Variants in PPM1E observed in about 807,000 individuals in gnomAD.
PPM1E encodes the protein protein phosphatase 1E.
PPM1E carries 20 observed loss-of-function variants against 65.9 expected under a neutral mutation model. The ratio of observed to expected loss-of-function variants is 0.30; its 90% CI spans 0.21 to 0.44. The LOEUF (loss-of-function observed/expected upper bound fraction) is 0.44. Ranked by LOEUF, PPM1E falls within the 20% of genes least tolerant of loss-of-function variation. The probability of loss-of-function intolerance (pLI) is 1.00; values close to 1 mark genes in which losing one functional copy is unlikely to be tolerated. For synonymous variants in PPM1E, 352 were observed against 374.9 expected, an observed-to-expected ratio of 0.94 and a Z score of 0.70; for missense variants, 713 against 953.1, an observed-to-expected ratio of 0.75 and a Z score of 3.32.
chr17:58,896,449 G>T (rs1020409601), intron 1 of PPM1E, among the ~76,000 whole-genome samples: 4 of 152,088 alleles, frequency 2.6e-5, no homozygotes, highest in Non-Finnish European at 4.4e-5. Context: ...GCCGGGCATG[G>T]TGGTGCATGC....
chr17:58,917,783 G>GT (rs1007929752), intron 1 of PPM1E, among the ~76,000 whole-genome samples: 64 of 151,712 alleles, frequency 4.2e-4, no homozygotes, highest in African/African-American at 1.4e-3. Flanking sequence ...AACTCATTTT[G>GT]TTTTTTTTAG....
chr17:58,777,994 A>G (rs966698879), intron 1 of PPM1E, among the ~76,000 whole-genome samples: 1 of 152,196 alleles, frequency 6.6e-6, no homozygotes, highest in East Asian at 1.9e-4. Flanking sequence ...CGGTGGCATG[A>G]TCATGGCTCA....
At chr17:58,830,420 G>A (rs1443789093) in intron 1 of PPM1E, among the ~76,000 whole-genome samples, 1 of 151,726 alleles carries the variant, frequency 6.6e-6, no homozygotes, top group Non-Finnish European at 1.5e-5. Flanking sequence ...CCATTCTCCT[G>A]CCTCAGCCTC....
intron 1 of PPM1E, among the ~76,000 whole-genome samples, chr17:58,795,539 CA>C (rs1162306230): frequency 6.6e-6 from 1 of 151,674 alleles, no homozygotes; most frequent in Non-Finnish European, 1.5e-5. Flanking sequence ...CCTGTCTCTA[CA>C]AAAAAATCAA....
chr17:58,861,532 G>A (rs779491834), intron 1 of PPM1E, among the ~76,000 whole-genome samples: 18 of 152,110 alleles, frequency 1.2e-4, no homozygotes, highest in Non-Finnish European at 1.9e-4. Context: ...AATGGGTGAC[G>A]GATATCCAAG....
chr17:58,955,563 A>G (rs748513466), intron 1 of PPM1E, 86 bp from the exon 2 acceptor site: 92 of 1,444,514 alleles, frequency 6.4e-5, no homozygotes, highest in Non-Finnish European at 8.7e-5. Context: ...AGACAATGTT[A>G]TAATTAATAT....
At chr17:58,756,499 T>A in intron 1 of PPM1E, 38 bp downstream of exon 1, 2 of 1,263,626 alleles carry the variant, frequency 1.6e-6, no homozygotes, top group Non-Finnish European at 2.0e-6. Flanking sequence ...GGGCCCGCGG[T>A]CCCCACCGCG....
At chr17:58,881,427 G>T (rs1948143148) in intron 1 of PPM1E, among the ~76,000 whole-genome samples, 3 of 152,044 alleles carry the variant, frequency 2.0e-5, no homozygotes, top group Non-Finnish European at 4.4e-5. Context: ...ACTTTAGAAG[G>T]CCGAGGTGAG....
At chr17:58,886,709 G>C (rs997875836) in intron 1 of PPM1E, among the ~76,000 whole-genome samples, 4 of 152,148 alleles carry the variant, frequency 2.6e-5, no homozygotes, top group African/African-American at 9.7e-5. Flanking sequence ...ATACTACTAA[G>C]CAATTAAAAA....
intron 1 of PPM1E, among the ~76,000 whole-genome samples, chr17:58,786,889 A>G (rs2050106051): frequency 6.6e-6 from 1 of 152,214 alleles, no homozygotes; most frequent in South Asian, 2.1e-4. Context: ...ATCTTTGTGC[A>G]TAAGCTATTA....
chr17:58,976,256 T>G (rs906702037), intron 6 of PPM1E, among the ~76,000 whole-genome samples: 3 of 152,080 alleles, frequency 2.0e-5, no homozygotes, highest in East Asian at 3.9e-4. Flanking sequence ...GAGAAAATGG[T>G]AGCTGATATG....
At chr17:58,770,564 T>C (rs2049927469) in intron 1 of PPM1E, among the ~76,000 whole-genome samples, 2 of 152,082 alleles carry the variant, frequency 1.3e-5, no homozygotes, top group Non-Finnish European at 2.9e-5. Flanking sequence ...ATATATTGAT[T>C]ATCAAATATA....
chr17:58,807,505 G>T (rs1043411610), intron 1 of PPM1E, among the ~76,000 whole-genome samples: 1 of 152,068 alleles, frequency 6.6e-6, no homozygotes, highest in East Asian at 1.9e-4. Flanking sequence ...ATTAGATAAC[G>T]GTGGCGGTTG....
At chr17:58,958,705 A>C (rs1467132143) in intron 2 of PPM1E, among the ~76,000 whole-genome samples, 1 of 152,084 alleles carries the variant, frequency 6.6e-6, no homozygotes, top group Non-Finnish European at 1.5e-5. Context: ...AAGGCCATGG[A>C]GTAGGTGACT....
In PPM1E at chr17:58,771,179, G is replaced by T. The variant is rs1444403746; in HGVS notation, c.464+14718G>T. Among the ~76,000 whole-genome samples the T allele has an allele frequency of 2.6e-5, 4 of 151,794 alleles. No individual in the cohort carries two copies. In the East Asian group the frequency reaches 5.8e-4, roughly 22 times the overall value. On this transcript the variant is annotated intron_variant, in intron 1 of 6. Coordinates refer to ENST00000308249, the MANE Select transcript of PPM1E (RefSeq NM_014906.5). ...TATTTTACTGTAACTTTTCTAAGTGGTCGACAAATAAAGATAGTCTTATGT... is the reference window on the plus strand; with the variant it reads ...TATTTTACTGTAACTTTTCTAAGTGTTCGACAAATAAAGATAGTCTTATGT...
At chr17:58,937,164 T>C (rs1385030584) in intron 1 of PPM1E, among the ~76,000 whole-genome samples, 1 of 151,390 alleles carries the variant, frequency 6.6e-6, no homozygotes, top group Non-Finnish European at 1.5e-5. Flanking sequence ...TGTAAATAAA[T>C]ATTTTAAAAG....
At chr17:58,896,124 AG>A (rs66526342) in intron 1 of PPM1E, among the ~76,000 whole-genome samples, 77,018 of 135,868 alleles carry the variant, frequency 0.57, 20,625 homozygotes, top group African/African-American at 0.6. Context: ...CAAAAAAAAA[AG>A]AAAAAGAAAA....
intron 6 of PPM1E, 139 bp downstream of exon 6, chr17:58,973,064 C>T (rs533350716): frequency 3.7e-5 from 22 of 591,406 alleles, no homozygotes; most frequent in South Asian, 6.2e-5. Flanking sequence ...AATTGGATAA[C>T]GTCTCTTTTA....
intron 1 of PPM1E, among the ~76,000 whole-genome samples, chr17:58,777,059 C>A (rs1263682411): frequency 1.3e-5 from 2 of 151,972 alleles, no homozygotes; most frequent in Non-Finnish European, 2.9e-5. Flanking sequence ...TAGCAAGTCC[C>A]CGGCTTTACA....
Sources: gnomAD v4.1 joint callset for allele counts (sites outside exome capture counted in the v4.1 genomes callset) on GRCh38, gnomAD v4.1.1 for gene constraint, MANE v1.5 for transcripts, NCBI Gene and HGNC (gene_info 2026-07-23, HGNC 2026-07-21) for gene names.